The following IFT43 variants were observed in gnomAD, a reference collection of about 807,000 sequenced individuals.
IFT43 encodes intraflagellar transport 43.
IFT43 carries 33 observed loss-of-function variants against 32.3 expected under a neutral mutation model. That is an observed-to-expected ratio of 1.02 (90% CI 0.77 to 1.37). The LOEUF is 1.37. Ranked by LOEUF, IFT43 falls within the 40% of genes most tolerant of loss-of-function variation. IFT43 has a pLI of 0.00. For missense variants in IFT43, 274 were observed against 265.9 expected, an observed-to-expected ratio of 1.03 and a Z score of -0.21; for synonymous variants, 93 against 98.2, an observed-to-expected ratio of 0.95 and a Z score of 0.31.
At chr14:76,008,234 T>C (rs2036014568) in intron 2 of IFT43, among the ~76,000 whole-genome samples, 1 of 152,184 alleles carries the variant, frequency 6.6e-6, no homozygotes, top group Non-Finnish European at 1.5e-5. Flanking sequence ...GAATAGATAA[T>C]TGGATCCTTA....
intron 3 of IFT43, among the ~76,000 whole-genome samples, chr14:76,029,024 G>C (rs2036458101): frequency 6.6e-6 from 1 of 152,202 alleles, no homozygotes; most frequent in Non-Finnish European, 1.5e-5. Flanking sequence ...TCTATTTTCA[G>C]TTCTTTGAGA....
In IFT43 at chr14:76,000,828, T is replaced by A. The variant is rs891896999; in HGVS notation, c.147+11851T>A. On this transcript the variant is annotated intron_variant, in intron 2 of 8. Transcript: ENST00000314067. ...AAAAGACTGAATGGATAATGACATT[T>A]TTGAGACTGAGAATTTAAGAGTCTT... Among the ~76,000 whole-genome samples, 8 of 152,248 alleles carry A rather than the reference T, an allele frequency of 5.3e-5. No individual in the cohort carries two copies. In the South Asian group the frequency reaches 1.0e-3, roughly 20 times the overall value.
intron 3 of IFT43, chr14:76,038,145 G>A (rs2036637881): frequency 6.6e-6 from 1 of 152,246 alleles, no homozygotes; most frequent in Non-Finnish European, 1.5e-5. Context: ...TTAACTGTCA[G>A]TCAGGTACCA....
intron 5 of IFT43, among the ~76,000 whole-genome samples, chr14:76,064,775 C>T (rs539458524): frequency 1.3e-5 from 2 of 152,290 alleles, no homozygotes; most frequent in East Asian, 1.9e-4. Context: ...AGTTCTTTGG[C>T]AGAAACTTCT....
At chr14:76,075,639 C>T (rs551002742) in intron 5 of IFT43, among the ~76,000 whole-genome samples, 3 of 152,314 alleles carry the variant, frequency 2.0e-5, no homozygotes, top group South Asian at 2.1e-4. Context: ...TTGCTGAACA[C>T]GGCTCTTTGT....
At chr14:76,008,599 CTGCTCCCTCTTCCTT>C (rs1353544569) in intron 2 of IFT43, among the ~76,000 whole-genome samples, 2 of 152,148 alleles carry the variant, frequency 1.3e-5, no homozygotes, top group Non-Finnish European at 2.9e-5. Flanking sequence ...TCCCTCCTTC[CTGCTCCCTCTTCCTT>C]TGCTCCCTCT....
chr14:76,018,245 T>C (rs2036226197), intron 2 of IFT43, among the ~76,000 whole-genome samples: 3 of 152,078 alleles, frequency 2.0e-5, no homozygotes, highest in Admixed American at 6.5e-5. Flanking sequence ...TTGTATGTTG[T>C]GTTTCTGTTT....
intron 3 of IFT43, among the ~76,000 whole-genome samples, chr14:76,031,842 C>G (rs747639947): frequency 6.6e-6 from 1 of 152,178 alleles, no homozygotes; most frequent in Non-Finnish European, 1.5e-5. Context: ...GGCTCTTCCT[C>G]TAACCTTCTC....
chr14:76,013,356 C>G (rs886396078), intron 2 of IFT43, among the ~76,000 whole-genome samples: 5 of 152,148 alleles, frequency 3.3e-5, no homozygotes, highest in African/African-American at 1.2e-4. Context: ...GGAGCTTTGA[C>G]AGTTGAGCTG....
At chr14:76,075,319 G>T (rs545446093) in intron 5 of IFT43, among the ~76,000 whole-genome samples, 1 of 152,296 alleles carries the variant, frequency 6.6e-6, no homozygotes, top group South Asian at 2.1e-4. Flanking sequence ...TCTTCATAAA[G>T]CAGACCTGCT....
intron 3 of IFT43, among the ~76,000 whole-genome samples, chr14:76,056,541 T>C (rs1235169003): frequency 6.6e-6 from 1 of 152,220 alleles, no homozygotes; most frequent in Non-Finnish European, 1.5e-5. Flanking sequence ...CACCGCACAT[T>C]GTGTAGGGAA....
intron 2 of IFT43, among the ~76,000 whole-genome samples, chr14:76,000,564 G>C (rs942528171): frequency 6.6e-6 from 1 of 152,016 alleles, no homozygotes; most frequent in Non-Finnish European, 1.5e-5. Context: ...GAGCCACTGC[G>C]TGTGGCCATA....
intron 5 of IFT43, among the ~76,000 whole-genome samples, chr14:76,078,043 A>C (rs899761034): frequency 6.6e-6 from 1 of 152,250 alleles, no homozygotes; most frequent in Admixed American, 6.5e-5. Flanking sequence ...ATTTAAAAGA[A>C]GTAAAATACA....
At chr14:76,020,295 T>A (rs903593417) in intron 2 of IFT43, among the ~76,000 whole-genome samples, 6 of 152,140 alleles carry the variant, frequency 3.9e-5, no homozygotes, top group Non-Finnish European at 8.8e-5. Context: ...TTTATCTGTG[T>A]TCTCTCATAC....
intron 3 of IFT43, among the ~76,000 whole-genome samples, chr14:76,036,738 C>A (rs1458271236): frequency 1.3e-5 from 2 of 151,500 alleles, no homozygotes; most frequent in Non-Finnish European, 2.9e-5. Flanking sequence ...CTATTTTATT[C>A]TGCAACAATC....
intron 3 of IFT43, among the ~76,000 whole-genome samples, chr14:76,043,090 C>CT (rs371191097): frequency 4.9e-4 from 74 of 152,212 alleles, no homozygotes; most frequent in African/African-American, 1.7e-3. Context: ...CCCTTGGCCT[C>CT]TGTCTCTTCA....
At chr14:76,042,725 C>A (rs1227068745) in intron 3 of IFT43, among the ~76,000 whole-genome samples, 1 of 152,244 alleles carries the variant, frequency 6.6e-6, no homozygotes. Flanking sequence ...ATTGTCCCTT[C>A]TAACCCTGCA....
rs1369353692 is a variant in IFT43, at chr14:76,058,516, T to G, written c.216-126T>G. On this transcript the variant is annotated intron_variant, in intron 3 of 8. Transcript: ENST00000314067. Reference sequence around the variant, plus strand: ...TGTGGGGCTTGTCTCTAAAGAGGACTGCAGACAAATAAAGCACTTGAGATA... The same window carrying G: ...TGTGGGGCTTGTCTCTAAAGAGGACGGCAGACAAATAAAGCACTTGAGATA... The G allele has an allele frequency of 3.7e-6, 4 of 1,083,184 alleles. No homozygotes were observed. In the East Asian group the frequency reaches 7.4e-5, roughly 20 times the overall value. The allele number at this position is 1,083,184 out of a possible 1,614,324, so 67.1% of individuals were successfully genotyped here.
chr14:75,993,146 A>G (rs2139871790), intron 2 of IFT43, among the ~76,000 whole-genome samples: 1 of 152,322 alleles, frequency 6.6e-6, no homozygotes, highest in South Asian at 2.1e-4. Context: ...GAACTTGGGC[A>G]TTCTTTTTAT....
Sources: allele counts gnomAD v4.1 joint callset (sites outside exome capture counted in the v4.1 genomes callset), GRCh38; gene constraint gnomAD v4.1.1; transcripts MANE v1.5; gene names NCBI Gene and HGNC (gene_info 2026-07-23, HGNC 2026-07-21).